Variants in PARG observed in about 807,000 individuals in gnomAD.
PARG encodes mitochondrial poly(ADP-ribose) glycohydrolase.
Under a neutral mutation model 113.0 loss-of-function variants are expected in PARG, and 35 were observed. That is an observed-to-expected ratio of 0.31 (90% CI 0.24 to 0.41). The LOEUF is 0.41. Among genes scored for constraint, PARG ranks in the 10% least tolerant of loss-of-function variants. The pLI is 1.00. For synonymous variants in PARG, 330 were observed against 409.9 expected (o/e 0.81, Z 2.36); for missense variants, 797 against 1,169.4 (o/e 0.68, Z 4.64).
chr10:49,927,369 G>GGAAAGAAAGAAA (rs200282973), intron 4 of PARG, among the ~76,000 whole-genome samples: 3,502 of 130,692 alleles, frequency 0.027, 92 homozygotes, highest in African/African-American at 0.073. Flanking sequence ...AAGGAAAGAA[G>GGAAAGAAAGAAA]GAAAGAAAGA....
intron 15 of PARG, among the ~76,000 whole-genome samples, chr10:49,841,438 T>G (rs1845232267): frequency 6.6e-6 from 1 of 152,202 alleles, no homozygotes; most frequent in Admixed American, 6.5e-5. Context: ...CAGGTATGGT[T>G]CATTTTTATA....
intron 7 of PARG, among the ~76,000 whole-genome samples, chr10:49,913,982 A>G (rs1318838629): frequency 6.6e-6 from 1 of 152,160 alleles, no homozygotes; most frequent in Non-Finnish European, 1.5e-5. Context: ...AACCATCATC[A>G]GCACCTGAGT....
At chr10:49,893,933 C>T (rs1424073448) in intron 7 of PARG, among the ~76,000 whole-genome samples, 1 of 151,992 alleles carries the variant, frequency 6.6e-6, no homozygotes, top group African/African-American at 2.4e-5. Flanking sequence ...CTCCTGACCT[C>T]GTGATCCACC....
chr10:49,879,744 G>A lies in PARG; in HGVS notation c.1917C>T (p.Phe639=). 6.4e-7 allele frequency: 1 copy of A among 1,573,964 alleles called. No homozygotes were observed. The highest frequency in any genetic ancestry group is 1.3e-5 in the African/African-American group (1 of 74,402). Residue 639 remains phenylalanine (F), a synonymous_variant, in exon 9 of 18, where the codon TTC becomes TTT. Coordinates refer to ENST00000616448, the MANE Select transcript of PARG (RefSeq NM_003631.5). ...QIASLLANAF[F]CTFPRRNAKM... ...TAGCATTTCGTCGTGGAAATGTGCA[G>A]AAGAAAGCATTAGCTAAAAGACTGG...
At chr10:49,848,342 T>C (rs1471122612) in intron 13 of PARG, among the ~76,000 whole-genome samples, 1 of 148,496 alleles carries the variant, frequency 6.7e-6, no homozygotes, top group Non-Finnish European at 1.5e-5. Flanking sequence ...AGTGAGACTC[T>C]GTCTCAAAAC....
At chr10:49,880,825 C>T (rs1168766914) in intron 8 of PARG, among the ~76,000 whole-genome samples, 14 of 152,270 alleles carry the variant, frequency 9.2e-5, no homozygotes, top group African/African-American at 3.4e-4. Flanking sequence ...AGACTCAATT[C>T]CAGCCTGACT....
intron 6 of PARG, among the ~76,000 whole-genome samples, chr10:49,920,497 T>TATATAC (rs1420781831): frequency 3.1e-5 from 2 of 63,728 alleles, no homozygotes; most frequent in Admixed American, 1.7e-4. Context: ...TATATATATA[T>TATATAC]ACACACACAC....
At chr10:49,915,760 C>T (rs1215232449) in intron 7 of PARG, among the ~76,000 whole-genome samples, 157 bp downstream of exon 7, 1 of 151,980 alleles carries the variant, frequency 6.6e-6, no homozygotes, top group Non-Finnish European at 1.5e-5. Flanking sequence ...AATATTAACT[C>T]CTAATTGTAT....
At chr10:49,865,121 A>T (rs1465073433) in intron 11 of PARG, among the ~76,000 whole-genome samples, 200 bp downstream of exon 11, 26 of 152,002 alleles carry the variant, frequency 1.7e-4, no homozygotes, top group African/African-American at 6.0e-4. Context: ...TCAAAGGGTT[A>T]TAGACTTTGA....
rs1359014720 is a variant in PARG at position 49,932,839 on chromosome 10, A to C, written c.1271+338T>G. Among the ~76,000 whole-genome samples, 21 of 152,300 alleles carry C rather than the reference A, an allele frequency of 1.4e-4. No individual in the cohort carries two copies. The East Asian group carries it at 3.7e-3, about 27-fold the overall frequency. ...ATTAAACAAAGTGTAAAAAAAAAAA[A>C]AAAAGTGTAATATACAATGGTCTAG... On this transcript the variant is annotated intron_variant, in intron 3 of 17. Transcript: ENST00000616448.
intron 1 of PARG, among the ~76,000 whole-genome samples, chr10:49,938,359 C>A (rs1838847050): frequency 6.6e-6 from 1 of 152,092 alleles, no homozygotes; most frequent in African/African-American, 2.4e-5. Flanking sequence ...CCAACTTTGA[C>A]TTCACACCAT....
chr10:49,864,995 T>C (rs201366669), intron 11 of PARG, among the ~76,000 whole-genome samples: 2 of 145,564 alleles, frequency 1.4e-5, no homozygotes, highest in East Asian at 4.0e-4. Context: ...AAAAAAAGGG[T>C]AAGGAGAAAC....
chr10:49,841,800 G>C (rs1845252405), intron 15 of PARG, 150 bp downstream of exon 15: 2 of 614,660 alleles, frequency 3.3e-6, no homozygotes, highest in Admixed American at 2.8e-5. Context: ...AGTACATCTT[G>C]TACAAGCTGA....
chr10:49,892,100 T>C (rs529010321), intron 7 of PARG, among the ~76,000 whole-genome samples: 4 of 152,194 alleles, frequency 2.6e-5, no homozygotes, highest in Non-Finnish European at 4.4e-5. Context: ...ACATAACCAA[T>C]ATTTATACCT....
At chr10:49,835,553 A>G (rs1554830953) in intron 15 of PARG, among the ~76,000 whole-genome samples, 5 of 152,058 alleles carry the variant, frequency 3.3e-5, no homozygotes, top group Non-Finnish European at 7.4e-5. Context: ...TATTGAGAAG[A>G]AAGATGAAAA....
At chr10:49,831,972 C>A (rs1173023039) in intron 16 of PARG, among the ~76,000 whole-genome samples, 1 of 152,098 alleles carries the variant, frequency 6.6e-6, no homozygotes, top group Non-Finnish European at 1.5e-5. Flanking sequence ...TCTTAATAGG[C>A]GAGATCTGCG....
At chr10:49,920,861 T>C (rs118098912) in intron 6 of PARG, among the ~76,000 whole-genome samples, 675 of 151,972 alleles carry the variant, frequency 4.4e-3, no homozygotes, top group East Asian at 0.018. Flanking sequence ...ACAATCTAAA[T>C]TGTGTTAGGG....
chr10:49,822,558 T>C (rs544644586), intron 16 of PARG, among the ~76,000 whole-genome samples: 1 of 151,854 alleles, frequency 6.6e-6, no homozygotes, highest in Admixed American at 6.6e-5. Context: ...TAAGTGTGGT[T>C]GGGGTGTTAG....
chr10:49,819,163 G>C lies in PARG; in HGVS notation c.*177C>G. 2.0e-6 allele frequency: 1 copy of C among 506,642 alleles called. No homozygotes were observed. Among genetic ancestry groups the C allele is most frequent in the South Asian group, 3.8e-5 (1 of 26,544 alleles). 31.4% of individuals were successfully genotyped at this position (506,642 alleles called of 1,614,324 possible). A position where few individuals can be genotyped will look rare whatever the true frequency, so the allele number is the denominator to read the frequency against. ...TAAGTCCACGTGAGTCAGGATGGAGGGAGTTTAGATGTACCAACTGACAAC... is the reference window on the plus strand; with the variant it reads ...TAAGTCCACGTGAGTCAGGATGGAGCGAGTTTAGATGTACCAACTGACAAC... On this transcript the variant is annotated 3_prime_UTR_variant, in exon 18 of 18. Transcript: ENST00000616448.
Sources: allele counts gnomAD v4.1 joint callset (sites outside exome capture counted in the v4.1 genomes callset), GRCh38; gene constraint gnomAD v4.1.1; transcripts MANE v1.5; gene names NCBI Gene and HGNC (gene_info 2026-07-23, HGNC 2026-07-21).